Variants in CPNE4 observed in about 807,000 individuals in gnomAD.
CPNE4 encodes copine 4.
A neutral mutation model predicts 67.9 loss-of-function variants in CPNE4; 25 were observed. That is an observed-to-expected ratio of 0.37 (90% CI 0.27 to 0.51). The LOEUF (loss-of-function observed/expected upper bound fraction) is 0.51. Ranked by LOEUF, CPNE4 falls within the 20% of genes least tolerant of loss-of-function variation. The pLI is 0.93. For synonymous variants in CPNE4, 242 were observed against 244.9 expected, an observed-to-expected ratio of 0.99 and a Z score of 0.11; for missense variants, 464 against 690.8, an observed-to-expected ratio of 0.67 and a Z score of 3.68.
intron 3 of CPNE4, among the ~76,000 whole-genome samples, chr3:131,715,531 T>C (rs964608744): frequency 6.6e-6 from 1 of 152,184 alleles, no homozygotes; most frequent in African/African-American, 2.4e-5. Flanking sequence ...TTACTGAGCT[T>C]TACTCAGTCT....
intron 7 of CPNE4, among the ~76,000 whole-genome samples, chr3:131,619,055 G>A (rs943296299): frequency 6.6e-6 from 1 of 152,096 alleles, no homozygotes; most frequent in African/African-American, 2.4e-5. Context: ...AAAATGACCT[G>A]GTCAAGCAGA....
intron 2 of CPNE4, among the ~76,000 whole-genome samples, chr3:131,892,900 G>A (rs1407626133): frequency 2.0e-5 from 3 of 151,864 alleles, no homozygotes; most frequent in Non-Finnish European, 1.5e-5. Context: ...ATGAAACAAT[G>A]ACAGAGAAAG....
intron 11 of CPNE4, among the ~76,000 whole-genome samples, chr3:131,563,533 A>G (rs1936898345): frequency 6.6e-6 from 1 of 152,076 alleles, no homozygotes; most frequent in African/African-American, 2.4e-5. Flanking sequence ...TAAATAGAAC[A>G]TTGATTTGAT....
intron 7 of CPNE4, among the ~76,000 whole-genome samples, chr3:131,630,198 G>A (rs1330910258): frequency 7.2e-5 from 11 of 152,128 alleles, no homozygotes; most frequent in Non-Finnish European, 1.3e-4. Flanking sequence ...TCTACCTGCC[G>A]GCTAGTCCCT....
rs1028897603 is a variant in CPNE4 at position 131,552,566 on chromosome 3, G to A, written c.1117-75C>T. 149 of 1,240,734 alleles carry A rather than the reference G, an allele frequency of 1.2e-4. 1 individual carries two copies. Among genetic ancestry groups the A allele is most frequent in the Non-Finnish European group, 2.5e-5 (21 of 852,612 alleles). 76.9% of individuals were successfully genotyped at this position (1,240,734 alleles called of 1,614,324 possible). ...TTTAATCCAGTAAGAAGGCACTGGG[G>A]TTTAGAGTTTGCAAACAAATGCCCA... On this transcript the variant is annotated intron_variant, in intron 12 of 15. Coordinates refer to ENST00000429747, the MANE Select transcript of CPNE4 (RefSeq NM_130808.3).
chr3:132,010,392 A>G (rs2369361), intron 1 of CPNE4, among the ~76,000 whole-genome samples: 127,490 of 152,110 alleles, frequency 0.84, 54,511 homozygotes, highest in Non-Finnish European at 0.93. Context: ...AAACGCTTCA[A>G]TAATCTGAGG....
chr3:131,540,652 T>A lies in CPNE4; in HGVS notation c.1539+1905A>T, dbSNP rs189232444. ...GTGAACCCAAGTTGGGAGTCAGATG[T>A]GTCTGGATATATCTGATAAACTCAG... On this transcript the variant is annotated intron_variant, in intron 15 of 15. Transcript: ENST00000429747. Among the ~76,000 whole-genome samples, 461 of 152,264 alleles carry A rather than the reference T, an allele frequency of 3.0e-3. 3 individuals carry two copies. Among genetic ancestry groups the A allele is most frequent in the African/African-American group, 0.01 (431 of 41,540 alleles).
chr3:132,039,334 A>C (rs189256700), upstream of CPNE4, among the ~76,000 whole-genome samples: 2 of 152,338 alleles, frequency 1.3e-5, no homozygotes, highest in Admixed American at 1.3e-4. Context: ...TGAAGCAGCA[A>C]GCATTTGCCA....
At chr3:131,631,978 G>A (rs936961005) in intron 7 of CPNE4, among the ~76,000 whole-genome samples, 14 of 149,884 alleles carry the variant, frequency 9.3e-5, no homozygotes, top group South Asian at 2.1e-4. Flanking sequence ...CCAGCTTCTC[G>A]GGAGGCTGAG....
At chr3:131,846,307 T>C (rs553161639) in intron 2 of CPNE4, among the ~76,000 whole-genome samples, 1 of 152,314 alleles carries the variant, frequency 6.6e-6, no homozygotes, top group South Asian at 2.1e-4. Flanking sequence ...ACAGATCCTC[T>C]GGAATCGCTG....
At chr3:131,548,178 G>A (rs969002720) in intron 14 of CPNE4, among the ~76,000 whole-genome samples, 13 of 152,004 alleles carry the variant, frequency 8.6e-5, no homozygotes, top group Admixed American at 3.3e-4. Flanking sequence ...ATTTTCTGGC[G>A]TACAAGATGT....
intron 12 of CPNE4, among the ~76,000 whole-genome samples, chr3:131,554,685 A>G (rs573021253): frequency 2.0e-5 from 3 of 151,312 alleles, no homozygotes; most frequent in Admixed American, 2.0e-4. Flanking sequence ...AAATGTCAGC[A>G]TCTACCTCCT....
At chr3:131,683,684 C>T (rs1336086185) in intron 6 of CPNE4, among the ~76,000 whole-genome samples, 2 of 151,970 alleles carry the variant, frequency 1.3e-5, no homozygotes, top group African/African-American at 4.8e-5. Context: ...GGTTGTATAC[C>T]CTCATAGCCC....
At chr3:131,676,318 C>T (rs2107665448) in intron 6 of CPNE4, among the ~76,000 whole-genome samples, 1 of 152,144 alleles carries the variant, frequency 6.6e-6, no homozygotes, top group East Asian at 1.9e-4. Context: ...TTTGGCCCCC[C>T]AAAGTCCTGG....
chr3:131,719,106 G>A (rs1485716473), intron 3 of CPNE4, among the ~76,000 whole-genome samples: 3 of 152,306 alleles, frequency 2.0e-5, no homozygotes, highest in South Asian at 2.1e-4. Flanking sequence ...AAGTGGATCA[G>A]TACAGTTTGG....
intron 2 of CPNE4, among the ~76,000 whole-genome samples, chr3:131,879,414 C>T (rs1250248954): frequency 4.6e-5 from 7 of 152,210 alleles, no homozygotes; most frequent in Admixed American, 3.9e-4. Flanking sequence ...TTAACATACT[C>T]TATCTTCTAT....
At chr3:132,021,241 G>C (rs1243729232) in intron 1 of CPNE4, among the ~76,000 whole-genome samples, 1 of 152,136 alleles carries the variant, frequency 6.6e-6, no homozygotes, top group Admixed American at 6.5e-5. Flanking sequence ...TGGGTAAATG[G>C]AACCCACACC....
intron 7 of CPNE4, among the ~76,000 whole-genome samples, chr3:131,633,771 TA>T (rs1553743307): frequency 3.3e-5 from 5 of 151,718 alleles, no homozygotes; most frequent in African/African-American, 9.7e-5. Flanking sequence ...TTTTTATTTT[TA>T]AAAAAAAGAA....
Position 131,987,688 on chromosome 3 carries a change from G to T in CPNE4, c.-2+46879C>A, listed in dbSNP as rs113347520. Among the ~76,000 whole-genome samples the T allele has an allele frequency of 8.8e-3, 1,335 of 152,220 alleles. 21 individuals are homozygous for T. Among genetic ancestry groups the T allele is most frequent in the African/African-American group, 0.031 (1,274 of 41,540 alleles). ...GAATAAATACCAGGCACCATGCCCA[G>T]CCAAGTTGTACACTTTTAGATTAGT... On this transcript the variant is annotated intron_variant, in intron 1 of 15. Transcript: ENST00000429747.
Sources: allele counts gnomAD v4.1 joint callset (sites outside exome capture counted in the v4.1 genomes callset), GRCh38; gene constraint gnomAD v4.1.1; transcripts MANE v1.5; gene names NCBI Gene and HGNC (gene_info 2026-07-23, HGNC 2026-07-21).